Variants in BANK1 observed in about 807,000 individuals in gnomAD.
The protein encoded by BANK1 is B-cell scaffold protein with ankyrin repeats.
In BANK1, 95 loss-of-function variants were observed where a neutral mutation model predicts 94.5. That is an observed-to-expected ratio of 1.00 (90% CI 0.85 to 1.19). The LOEUF (loss-of-function observed/expected upper bound fraction) is 1.19. Ranked by LOEUF, BANK1 falls within the 50% of genes most tolerant of loss-of-function variation. The pLI, the probability that BANK1 is intolerant of heterozygous loss-of-function variation, is 0.00. For missense variants in BANK1, 987 were observed against 932.2 expected, an observed-to-expected ratio of 1.06 and a Z score of -0.77; for synonymous variants, 334 against 308.4, an observed-to-expected ratio of 1.08 and a Z score of -0.87.
chr4:101,836,617 A>C (rs1466392992), intron 2 of BANK1, among the ~76,000 whole-genome samples: 6 of 152,356 alleles, frequency 3.9e-5, no homozygotes, highest in Admixed American at 3.3e-4. Context: ...TTTCTGGTAC[A>C]GTTTGGTTTT....
At chr4:101,950,923 A>G (rs1316773286) in intron 7 of BANK1, among the ~76,000 whole-genome samples, 2 of 152,184 alleles carry the variant, frequency 1.3e-5, no homozygotes, top group African/African-American at 2.4e-5. Flanking sequence ...CTCTGGTCAG[A>G]CAATACCTGA....
intron 5 of BANK1, among the ~76,000 whole-genome samples, chr4:101,878,847 A>G (rs1043821438): frequency 1.3e-5 from 2 of 152,116 alleles, no homozygotes; most frequent in African/African-American, 4.8e-5. Flanking sequence ...ATGCTTTTGA[A>G]TGGCCAGTGG....
At chr4:101,969,646 C>A (rs1724889103) in intron 7 of BANK1, among the ~76,000 whole-genome samples, 2 of 152,022 alleles carry the variant, frequency 1.3e-5, no homozygotes, top group South Asian at 4.2e-4. Context: ...GACCCTCTCA[C>A]TAAATTTGCT....
intron 2 of BANK1, among the ~76,000 whole-genome samples, chr4:101,835,075 A>G (rs1726773862): frequency 6.6e-6 from 1 of 152,200 alleles, no homozygotes; most frequent in African/African-American, 2.4e-5. Context: ...TGTGTGTTTT[A>G]TAATCGTTTG....
At chr4:101,963,409 G>T (rs570643882) in intron 7 of BANK1, among the ~76,000 whole-genome samples, 1 of 152,044 alleles carries the variant, frequency 6.6e-6, no homozygotes, top group Non-Finnish European at 1.5e-5. Context: ...TATTTTACTT[G>T]TTTTAACATC....
intron 5 of BANK1, among the ~76,000 whole-genome samples, chr4:101,881,322 A>C (rs187074104): frequency 6.6e-6 from 1 of 152,132 alleles, no homozygotes; most frequent in Non-Finnish European, 1.5e-5. Flanking sequence ...ACAGGCATAC[A>C]AAAAGGTGCT....
chr4:102,003,067 T>C (rs1726132215), intron 7 of BANK1, among the ~76,000 whole-genome samples: 1 of 152,146 alleles, frequency 6.6e-6, no homozygotes, highest in Non-Finnish European at 1.5e-5. Flanking sequence ...AGCCTGCTAG[T>C]GTTCTTAGTA....
chr4:101,914,013 T>C (rs1439299654), intron 6 of BANK1, among the ~76,000 whole-genome samples: 1 of 152,224 alleles, frequency 6.6e-6, no homozygotes, highest in African/African-American at 2.4e-5. Flanking sequence ...AAATGAAGAA[T>C]TTCTATCAAA....
At chr4:101,926,081 T>C (rs1723142119) in intron 7 of BANK1, among the ~76,000 whole-genome samples, 1 of 151,738 alleles carries the variant, frequency 6.6e-6, no homozygotes, top group Non-Finnish European at 1.5e-5. Context: ...TTTCCATCAT[T>C]CTTGATTCTT....
At chr4:101,852,077 A>T (rs982965875) in intron 2 of BANK1, among the ~76,000 whole-genome samples, 1 of 152,044 alleles carries the variant, frequency 6.6e-6, no homozygotes, top group African/African-American at 2.4e-5. Flanking sequence ...CTCTGTTGTG[A>T]TGTCTCTGTT....
At chr4:101,951,266 G>A (rs188800615) in intron 7 of BANK1, among the ~76,000 whole-genome samples, 1 of 151,982 alleles carries the variant, frequency 6.6e-6, no homozygotes, top group Non-Finnish European at 1.5e-5. Flanking sequence ...AAATTAAAAG[G>A]TTATTTTTAA....
intron 7 of BANK1, among the ~76,000 whole-genome samples, chr4:101,988,580 C>A (rs983293057): frequency 6.6e-6 from 1 of 152,152 alleles, no homozygotes; most frequent in African/African-American, 2.4e-5. Context: ...ACATTTCCTT[C>A]CCACTATTAT....
At chr4:101,949,868 A>C (rs1001924808) in intron 7 of BANK1, among the ~76,000 whole-genome samples, 1 of 152,184 alleles carries the variant, frequency 6.6e-6, no homozygotes, top group Non-Finnish European at 1.5e-5. Flanking sequence ...TCACTTATCA[A>C]AGTTACATTC....
chr4:101,817,999 C>G (rs959964786), intron 1 of BANK1, among the ~76,000 whole-genome samples: 1 of 152,110 alleles, frequency 6.6e-6, no homozygotes, highest in East Asian at 1.9e-4. Context: ...GGTTCCTGAA[C>G]TTCAATATGG....
chr4:102,028,104 T>G (rs1166492486), intron 9 of BANK1, among the ~76,000 whole-genome samples: 1 of 152,184 alleles, frequency 6.6e-6, no homozygotes, highest in Non-Finnish European at 1.5e-5. Flanking sequence ...ATGTATTATT[T>G]CTAGTGCAAG....
Position 101,893,585 on chromosome 4 carries a change from C to T in BANK1, c.904-1720C>T, listed in dbSNP as rs189968706. ...TGTATCACTAAAACACTTTTTTTAG[C>T]TTTAGTATAAAGTGTCAACATATTA... On this transcript the variant is annotated intron_variant, in intron 5 of 16. Transcript: ENST00000322953. Among the ~76,000 whole-genome samples, 4 of 152,006 alleles carry T rather than the reference C, an allele frequency of 2.6e-5. No homozygotes were observed. The South Asian group carries it at 6.2e-4, about 24-fold the overall frequency.
chr4:102,063,027 A>C, intron 12 of BANK1, 48 bp from the exon 13 acceptor site: 1 of 1,485,374 alleles, frequency 6.7e-7, no homozygotes, highest in Middle Eastern at 1.8e-4. Flanking sequence ...ATCTTGATCC[A>C]TAAAAATTTG....
intron 5 of BANK1, among the ~76,000 whole-genome samples, chr4:101,889,458 C>T (rs1011280763): frequency 1.1e-4 from 16 of 151,220 alleles, no homozygotes; most frequent in Non-Finnish European, 1.6e-4. Flanking sequence ...ATTAGCCGGG[C>T]GCGGTGGCGG....
intron 9 of BANK1, among the ~76,000 whole-genome samples, chr4:102,028,160 G>T (rs1309920760): frequency 6.6e-6 from 1 of 152,160 alleles, no homozygotes; most frequent in Admixed American, 6.5e-5. Context: ...GGGAAACAAA[G>T]AGAGTTAAGA....
Sources: gnomAD v4.1 joint callset for allele counts (sites outside exome capture counted in the v4.1 genomes callset) on GRCh38, gnomAD v4.1.1 for gene constraint, MANE v1.5 for transcripts, NCBI Gene and HGNC (gene_info 2026-07-23, HGNC 2026-07-21) for gene names.